AZIN2: variants seen among roughly 807,000 people sequenced by gnomAD.
The protein encoded by AZIN2 is antizyme inhibitor 2.
Under a neutral mutation model 47.8 loss-of-function variants are expected in AZIN2, and 28 were observed. The observed-to-expected ratio is 0.59, with a 90% confidence interval of 0.43 to 0.80. The LOEUF (loss-of-function observed/expected upper bound fraction) is 0.80. Among genes scored for constraint, AZIN2 ranks in the 30% least tolerant of loss-of-function variants. The pLI is 0.00. For synonymous variants in AZIN2, 221 were observed against 239.4 expected (o/e 0.92, Z 0.71); for missense variants, 535 against 582.5 (o/e 0.92, Z 0.84).
chr1:33,096,995 TG>T, intron 9 of AZIN2, 126 bp downstream of exon 9: 1 of 1,172,830 alleles, frequency 8.5e-7, no homozygotes, highest in Non-Finnish European at 1.2e-6. Context: ...AATGGGTTCT[TG>T]CTTTAGGGAA....
chr1:33,128,556 T>G, the AZIN2 span, among the ~76,000 whole-genome samples: 1 of 152,338 alleles, frequency 6.6e-6, no homozygotes, highest in African/African-American at 2.4e-5. Flanking sequence ...CTCTGCCTAA[T>G]CTGAATCTCA....
chr1:33,083,601 G>A, intron 4 of AZIN2: 1 of 360,428 alleles, frequency 2.8e-6, no homozygotes, highest in Non-Finnish European at 5.3e-6. Flanking sequence ...TTATTGGTTT[G>A]GGGAAGGTGG....
the AZIN2 span, among the ~76,000 whole-genome samples, chr1:33,135,287 AAAAC>A: frequency 5.1e-3 from 774 of 152,176 alleles, 5 homozygotes; most frequent in African/African-American, 0.015. Context: ...GACTCTCTCA[AAAAC>A]AAACAAACAA....
chr1:33,082,007 T>G, intron 3 of AZIN2, 171 bp from the exon 4 acceptor site: 1 of 538,332 alleles, frequency 1.9e-6, no homozygotes, highest in Non-Finnish European at 3.4e-6. Context: ...ATACGGTGCC[T>G]TGTCTCCGTC....
the AZIN2 span, among the ~76,000 whole-genome samples, chr1:33,130,188 G>T: frequency 6.6e-6 from 1 of 152,204 alleles, no homozygotes; most frequent in Non-Finnish European, 1.5e-5. Flanking sequence ...GGTGCACTAG[G>T]AGGCAAGGAA....
At chr1:33,100,656 CAT>C (rs1431703425) in intron 10 of AZIN2, among the ~76,000 whole-genome samples, 1 of 152,022 alleles carries the variant, frequency 6.6e-6, no homozygotes, top group Non-Finnish European at 1.5e-5. Context: ...GCTTTTAAAA[CAT>C]ATTTTAGTAC....
At chr1:33,090,072 G>C (rs1247823719) in intron 5 of AZIN2, among the ~76,000 whole-genome samples, 3 of 152,130 alleles carry the variant, frequency 2.0e-5, no homozygotes, top group Non-Finnish European at 4.4e-5. Flanking sequence ...AGTAGGGGTT[G>C]GCAAACTACG....
At chr1:33,136,289 CCTTT>C in the AZIN2 span, among the ~76,000 whole-genome samples, 11 of 149,532 alleles carry the variant, frequency 7.4e-5, no homozygotes, top group African/African-American at 9.9e-5. Context: ...CTCTTCCTTT[CCTTT>C]CTTTCTTTTT....
chr1:33,110,059 T>A (rs1034883377), intron 10 of AZIN2, among the ~76,000 whole-genome samples: 1 of 152,070 alleles, frequency 6.6e-6, no homozygotes, highest in Admixed American at 6.5e-5. Context: ...AAGAAGTACA[T>A]CCTTAGTGTA....
At chr1:33,159,002 G>A in the AZIN2 span, among the ~76,000 whole-genome samples, 2 of 151,914 alleles carry the variant, frequency 1.3e-5, no homozygotes, top group Non-Finnish European at 2.9e-5. The surrounding 1 kb of genome is among the most constrained non-coding windows in gnomAD (Gnocchi z 4.2). Flanking sequence ...CACCACGCCC[G>A]GCTAATTTTT....
chr1:33,107,425 C>A (rs1011361553), intron 10 of AZIN2, among the ~76,000 whole-genome samples: 1 of 151,844 alleles, frequency 6.6e-6, no homozygotes, highest in Non-Finnish European at 1.5e-5. Flanking sequence ...ACTAAAAATG[C>A]AGAAATTAGC....
intron 7 of AZIN2, 30 bp downstream of exon 7, chr1:33,093,446 C>T: frequency 6.2e-7 from 1 of 1,606,986 alleles, no homozygotes; most frequent in East Asian, 2.2e-5. Context: ...GCCATCCCCT[C>T]CCACACCAGG....
At chr1:33,149,245 C>T in the AZIN2 span, among the ~76,000 whole-genome samples, 2 of 152,320 alleles carry the variant, frequency 1.3e-5, no homozygotes, top group African/African-American at 4.8e-5. Flanking sequence ...CTCCACCTCC[C>T]AGGTTCAAGT....
chr1:33,156,508 T>A, the AZIN2 span, among the ~76,000 whole-genome samples: 7 of 152,198 alleles, frequency 4.6e-5, no homozygotes, highest in Non-Finnish European at 1.0e-4. Flanking sequence ...CATACCTGGG[T>A]TGCCCTCCTA....
chr1:33,111,607 A>AT (rs752298737), intron 10 of AZIN2, among the ~76,000 whole-genome samples: 2,069 of 144,832 alleles, frequency 0.014, 39 homozygotes, highest in African/African-American at 0.04. Flanking sequence ...TATATGAATA[A>AT]TTTTTTTTTT....
At chr1:33,085,663 G>A (rs1010323898) in intron 5 of AZIN2, among the ~76,000 whole-genome samples, 1 of 152,168 alleles carries the variant, frequency 6.6e-6, no homozygotes, top group Non-Finnish European at 1.5e-5. Flanking sequence ...GCACTTGGCC[G>A]GGATGGTCAG....
the AZIN2 span, among the ~76,000 whole-genome samples, chr1:33,130,032 T>C: frequency 6.6e-6 from 1 of 152,136 alleles, no homozygotes; most frequent in Non-Finnish European, 1.5e-5. Flanking sequence ...GCTAATTTTG[T>C]ATTTTTAGTA....
chr1:33,132,074 C>A, the AZIN2 span, among the ~76,000 whole-genome samples: 2 of 152,156 alleles, frequency 1.3e-5, no homozygotes, highest in East Asian at 3.8e-4. Flanking sequence ...AATTTGACAT[C>A]CCACATTCCA....
At position 33,122,569 on chromosome 1, in the gene AZIN2, C is replaced by T. The variant is rs772517318; in HGVS notation, c.*2387C>T. 1.1e-4 allele frequency among the ~76,000 whole-genome samples: 17 copies of T among 152,148 alleles called. 1 individual carries two copies. In the South Asian group the frequency reaches 1.9e-3, roughly 17 times the overall value. ...GTAAGGGGCTTCAGGCTTGTGCAGG[C>T]GAATCTAAGCAGGGGTCTCCTGGAC... is the stretch of plus-strand genomic sequence containing the variant. On this transcript the variant is annotated 3_prime_UTR_variant, in exon 12 of 12. Transcript: ENST00000294517.
Sources: allele counts gnomAD v4.1 joint callset (sites outside exome capture counted in the v4.1 genomes callset), GRCh38; gene constraint gnomAD v4.1.1; non-coding constraint Gnocchi (gnomAD v3.1); transcripts MANE v1.5; gene names NCBI Gene and HGNC (gene_info 2026-07-23, HGNC 2026-07-21).